The following CNKSR1 variants were observed in gnomAD, a reference collection of about 807,000 sequenced individuals.
The protein encoded by CNKSR1 is CNK homolog protein 1.
A neutral mutation model predicts 95.6 loss-of-function variants in CNKSR1; 88 were observed. The observed-to-expected ratio is 0.92, with a 90% CI of 0.78 to 1.10. CNKSR1 has a LOEUF of 1.10. CNKSR1 is among the 50% of genes least tolerant of loss of function. CNKSR1 has a pLI of 0.00. For synonymous variants in CNKSR1, 355 were observed against 369.7 expected, an observed-to-expected ratio of 0.96 and a Z score of 0.46; for missense variants, 836 against 912.0, an observed-to-expected ratio of 0.92 and a Z score of 1.07.
At chr1:26,180,283 T>G (rs1168000936) in intron 1 of CNKSR1, 170 bp from the exon 2 acceptor site, 2 of 778,580 alleles carry the variant, frequency 2.6e-6, no homozygotes, top group African/African-American at 1.7e-5. Flanking sequence ...TCCTATACTT[T>G]CCTGCTTCTC....
At chr1:26,183,649 C>G in intron 8 of CNKSR1, 80 bp from the exon 9 acceptor site, 1 of 1,174,750 alleles carries the variant, frequency 8.5e-7, no homozygotes, top group Non-Finnish European at 1.3e-6. Context: ...AGAGAGAGCT[C>G]CCAGCACGAG....
At position 26,180,752 on chromosome 1, in the gene CNKSR1, C is replaced by A. The variant is rs1006358973; in HGVS notation, c.248C>A (p.Thr83Lys). 3 of 1,614,126 alleles carry A rather than the reference C, an allele frequency of 1.9e-6. No homozygotes were observed. Among genetic ancestry groups the A allele is most frequent in the African/African-American group, 2.7e-5 (2 of 74,946 alleles). ...CAGACAGAGAACCTGCAAAGCCTGA[C>A]AGAGGGACTTCTGGGGGCAACCCAT... ...RLQTENLQSLTEGLLGATHDF... is the reference protein window; with the variant it reads ...RLQTENLQSLKEGLLGATHDF... Residue 83 changes from threonine (T) to lysine (K), a missense_variant, in exon 3 of 21, where the codon ACA becomes AAA. Coordinates refer to ENST00000361530, the MANE Select transcript of CNKSR1 (RefSeq NM_006314.3).
rs890765064 is a variant in CNKSR1 at position 26,185,116 on chromosome 1, T to C, written c.1238T>C (p.Met413Thr). The change falls in exon 14 of 21, where the codon ATG (methionine) becomes ACG (threonine). Residue 413 changes from methionine (M) to threonine (T), a missense_variant. Physicochemically the swap from Met to Thr is moderately conservative, Grantham distance 81 (BLOSUM62 -1). Transcript: ENST00000361530. ...LLLRKAPGGF[M>T]GPRWRRRWFV... is the part of the protein sequence containing the mutation. ...TTGCGAAAGGCACCGGGCGGCTTCA[T>C]GGGCCCGCGCTGGCGCCGCCGCTGG... The C allele has an allele frequency of 5.0e-6, 8 of 1,596,516 alleles. No individual in the cohort carries two copies. The highest frequency in any genetic ancestry group is 5.1e-6 in the Non-Finnish European group (6 of 1,172,926).
intron 1 of CNKSR1, 155 bp from the exon 2 acceptor site, chr1:26,180,298 C>T (rs751894343): frequency 3.1e-5 from 27 of 880,176 alleles, no homozygotes; most frequent in Non-Finnish European, 4.4e-5. Flanking sequence ...CTTCTCAACT[C>T]AGTGGCCTCA....
At position 26,185,072 on chromosome 1, in the gene CNKSR1, C is replaced by G. The variant is rs200933964; in HGVS notation, c.1194C>G (p.Asp398Glu). The change falls in exon 14 of 21, where the codon GAC becomes GAG. Residue 398 changes from aspartate (D) to glutamate (E), a missense_variant. Coordinates refer to ENST00000361530, the MANE Select transcript of CNKSR1 (RefSeq NM_006314.3). Reference protein sequence around the residue: ...RVSCRELGRPDCDGWLLLRKA... With the variant: ...RVSCRELGRPECDGWLLLRKA... ...CATGCCGTGAGCTGGGCCGGCCGGA[C>G]TGTGACGGCTGGCTCCTGTTGCGAA... The G allele has an allele frequency of 6.4e-5, 102 of 1,605,794 alleles. No individual in the cohort carries two copies. The East Asian group carries it at 2.2e-3, about 35-fold the overall frequency.
rs2088680022 is a variant in CNKSR1 at position 26,183,359 on chromosome 1, C to T, written c.698C>T (p.Ser233Phe). ...SQVDTQVPTDSRLQIQPGDEV... is the reference protein window; with the variant it reads ...SQVDTQVPTDFRLQIQPGDEV... ...TCCCCACGTCAGGTTCCCACTGACTCCCGACTGCAGATCCAGCCTGGAGAC... is the reference window on the plus strand; with the variant it reads ...TCCCCACGTCAGGTTCCCACTGACTTCCGACTGCAGATCCAGCCTGGAGAC... The change falls in exon 8 of 21, where the codon TCC becomes TTC. Residue 233 changes from serine to phenylalanine, a missense_variant. Ser to Phe is a radical substitution (Grantham distance 155). Coordinates refer to ENST00000361530, the MANE Select transcript of CNKSR1 (RefSeq NM_006314.3). The T allele has an allele frequency of 6.2e-7, 1 of 1,614,192 alleles. No individual in the cohort carries two copies. Among genetic ancestry groups the T allele is most frequent in the Non-Finnish European group, 8.5e-7 (1 of 1,180,028 alleles).
At position 26,189,484 on chromosome 1, in the gene CNKSR1, C is replaced by A. The variant is rs1395591361; in HGVS notation, c.2078C>A (p.Pro693His). The change falls in exon 21 of 21, where the codon CCT becomes CAT. Residue 693 changes from proline (P) to histidine (H), a missense_variant. Physicochemically the swap from Pro to His is moderately conservative, Grantham distance 77. Coordinates refer to ENST00000361530, the MANE Select transcript of CNKSR1 (RefSeq NM_006314.3). ...EQSPHSLPSDPEEHSHLCPLT... is the reference protein window; with the variant it reads ...EQSPHSLPSDHEEHSHLCPLT... Reference sequence around the variant, plus strand: ...TCCCCCCACTCCCTGCCCTCTGACCCTGAAGAGCACTCCCATCTCTGCCCC... The same window carrying A: ...TCCCCCCACTCCCTGCCCTCTGACCATGAAGAGCACTCCCATCTCTGCCCC... 6.2e-7 allele frequency: 1 copy of A among 1,612,756 alleles called. No individual in the cohort carries two copies. The highest frequency in any genetic ancestry group is 1.1e-5 in the South Asian group (1 of 91,034).
At position 26,188,805 on chromosome 1, in the gene CNKSR1, G is replaced by A. The variant is rs145419200; in HGVS notation, c.1724G>A (p.Arg575Gln). ...GAAGAGGCACTGGAAGGAATGGTAC[G>A]GGGGCTGAGGCAGGGTGGCGTGTCC... is the stretch of plus-strand genomic sequence containing the variant. Reference protein sequence around the residue: ...SSEEALEGMVRGLRQGGVSLL... With the variant: ...SSEEALEGMVQGLRQGGVSLL... The change falls in exon 20 of 21, where the codon CGG becomes CAG. Residue 575 changes from arginine to glutamine, a missense_variant. Coordinates refer to ENST00000361530, the MANE Select transcript of CNKSR1 (RefSeq NM_006314.3). 30 of 1,612,388 alleles carry A rather than the reference G, an allele frequency of 1.9e-5. No individual in the cohort carries two copies. In the African/African-American group the frequency reaches 2.5e-4, roughly 14 times the overall value.
rs1557625401 is a variant in CNKSR1 at position 26,188,286 on chromosome 1, G to A, written c.1507G>A (p.Ala503Thr). 6.2e-7 allele frequency: 1 copy of A among 1,613,910 alleles called. No individual in the cohort carries two copies. Among genetic ancestry groups the A allele is most frequent in the Non-Finnish European group, 8.5e-7 (1 of 1,179,958 alleles). Residue 503 changes from alanine to threonine, a missense_variant, in exon 17 of 21, where the codon GCC becomes ACC. By Grantham distance (58) the Ala-to-Thr change is moderately conservative. Coordinates refer to ENST00000361530, the MANE Select transcript of CNKSR1 (RefSeq NM_006314.3). ...CTCCAAGTACCAGTCTCCAGGCCGG[G>A]CCCCCCCACCCCGAGAGGAAGGTAG... ...CISKYQSPGR[A>T]PPPREEDCYS...
chr1:26,181,151 C>T (rs1015056790), intron 3 of CNKSR1: 9 of 442,100 alleles, frequency 2.0e-5, no homozygotes, highest in African/African-American at 6.0e-5. Context: ...TGTGGTGGTG[C>T]GCACCTGTAA....
At chr1:26,182,283 C>A in intron 4 of CNKSR1, 78 bp from the exon 5 acceptor site, 1 of 1,466,564 alleles carries the variant, frequency 6.8e-7, no homozygotes, top group Non-Finnish European at 9.5e-7. Context: ...TACGGAATCC[C>A]ACCCTGCCCC....
At chr1:26,184,309 T>C in intron 11 of CNKSR1, 22 bp downstream of exon 11, 1 of 1,609,058 alleles carries the variant, frequency 6.2e-7, no homozygotes, top group African/African-American at 1.3e-5. Flanking sequence ...GCTCCATGGA[T>C]GCCCCGGACA....
intron 6 of CNKSR1, 89 bp downstream of exon 6, chr1:26,182,673 G>C: frequency 8.5e-7 from 1 of 1,180,262 alleles, no homozygotes; most frequent in South Asian, 1.3e-5. Flanking sequence ...ACAGAACCCT[G>C]TGCTGCCATG....
Position 26,183,368 on chromosome 1 carries a change from A to G in CNKSR1, c.707A>G (p.Gln236Arg), listed in dbSNP as rs770102925. The G allele has an allele frequency of 1.2e-5, 19 of 1,614,078 alleles. No homozygotes were observed. In the East Asian group the frequency reaches 4.2e-4, roughly 36 times the overall value. ...CAGGTTCCCACTGACTCCCGACTGC[A>G]GATCCAGCCTGGAGACGAGGTTGTC... ...DTQVPTDSRL[Q>R]IQPGDEVVQI... Residue 236 changes from glutamine (Q) to arginine (R), a missense_variant, in exon 8 of 21, where the codon CAG becomes CGG. Coordinates refer to ENST00000361530, the MANE Select transcript of CNKSR1 (RefSeq NM_006314.3).
chr1:26,177,926 C>T (rs184373868), intron 1 of CNKSR1, among the ~76,000 whole-genome samples: 39 of 152,122 alleles, frequency 2.6e-4, no homozygotes, highest in South Asian at 8.3e-4. Context: ...GAGATTGCAC[C>T]GCTGCACTCC....
In CNKSR1 at chr1:26,187,472, G is replaced by T; in HGVS notation, c.1444G>T (p.Asp482Tyr). ...PFIFAADTLT[D>Y]LSMWVRHLIT... ...CATCTTCGCTGCTGATACCCTGACA[G>T]ATCTGAGCATGTGAGTGCCGCCTCC... The change falls in exon 16 of 21, where the codon GAT (aspartate) becomes TAT (tyrosine). Residue 482 changes from aspartate to tyrosine, a missense_variant. By Grantham distance (160) the Asp-to-Tyr change is radical. Transcript: ENST00000361530. 6.2e-7 allele frequency: 1 copy of T among 1,614,040 alleles called. No individual in the cohort carries two copies. Among genetic ancestry groups the T allele is most frequent in the Non-Finnish European group, 8.5e-7 (1 of 1,179,976 alleles).
chr1:26,188,843 C>T lies in CNKSR1; in HGVS notation c.1762C>T (p.Pro588Ser), dbSNP rs2088809770. The T allele has an allele frequency of 6.2e-7, 1 of 1,613,480 alleles. No homozygotes were observed. Among genetic ancestry groups the T allele is most frequent in the Non-Finnish European group, 8.5e-7 (1 of 1,179,878 alleles). Residue 588 changes from proline to serine, a missense_variant, in exon 20 of 21, where the codon CCA becomes TCA. By Grantham distance (74) the Pro-to-Ser change is moderately conservative. Transcript: ENST00000361530. ...RQGGVSLLGQ[P>S]QPLTQEQWRS... ...GGGTGGCGTGTCCCTCCTAGGCCAG[C>T]CACAGCCCCTGACCCAGGAACAGTG...
At chr1:26,187,065 TCTC>T (rs1459699704) in intron 14 of CNKSR1, 100 bp from the exon 15 acceptor site, 2 of 847,596 alleles carry the variant, frequency 2.4e-6, no homozygotes, top group Admixed American at 1.9e-5. Context: ...GGAGATGCCT[TCTC>T]CTCTCCACAA....
intron 1 of CNKSR1, 138 bp downstream of exon 1, chr1:26,177,737 A>G: frequency 1.0e-6 from 1 of 988,430 alleles, no homozygotes; most frequent in Non-Finnish European, 1.5e-6. Flanking sequence ...GCACTTTGGG[A>G]AGCCAAGGTG....
Sources: allele counts gnomAD v4.1 joint callset (sites outside exome capture counted in the v4.1 genomes callset), GRCh38; gene constraint gnomAD v4.1.1; transcripts MANE v1.5; gene names NCBI Gene and HGNC (gene_info 2026-07-23, HGNC 2026-07-21).